The following HMCN1 variants were observed in gnomAD, a reference collection of about 807,000 sequenced individuals.
HMCN1 encodes the protein hemicentin 1, also known as hemicentin-1.
HMCN1 carries 321 observed loss-of-function variants against 625.9 expected under a neutral mutation model. That is an observed-to-expected ratio of 0.51 (90% CI 0.47 to 0.56). The LOEUF (loss-of-function observed/expected upper bound fraction) is 0.56. HMCN1 is among the 20% of genes least tolerant of loss of function. The pLI is 0.00. For synonymous variants in HMCN1, 2,425 were observed against 2,417.6 expected (o/e 1.00, Z -0.09); for missense variants, 6,588 against 6,887.3 (o/e 0.96, Z 1.54).
intron 30 of HMCN1, among the ~76,000 whole-genome samples, chr1:186,010,704 G>A (rs1385723002): frequency 6.6e-6 from 1 of 152,078 alleles, no homozygotes; most frequent in Admixed American, 6.5e-5. Context: ...CTCTTTCTTA[G>A]GATTTCAAAA....
chr1:186,023,942 A>C (rs943718058), intron 36 of HMCN1, among the ~76,000 whole-genome samples: 2 of 152,212 alleles, frequency 1.3e-5, no homozygotes, highest in East Asian at 1.9e-4. Flanking sequence ...AAAAGAGTAA[A>C]TAGTAGGTGA....
intron 80 of HMCN1, among the ~76,000 whole-genome samples, chr1:186,120,985 C>T (rs1046585611): frequency 6.6e-6 from 1 of 152,140 alleles, no homozygotes; most frequent in African/African-American, 2.4e-5. Flanking sequence ...GTGGGGACCA[C>T]TTTAGAAAAT....
chr1:185,985,188 G>C (rs57060687), intron 19 of HMCN1, among the ~76,000 whole-genome samples: 4,671 of 152,136 alleles, frequency 0.031, 249 homozygotes, highest in African/African-American at 0.11. Context: ...TCAGTTTTAC[G>C]TTAAGTATCC....
intron 49 of HMCN1, 40 bp downstream of exon 49, chr1:186,065,469 A>G (rs369097631): frequency 2.1e-6 from 3 of 1,447,604 alleles, no homozygotes; most frequent in Middle Eastern, 2.5e-4. Flanking sequence ...AGAATCTGAC[A>G]TGACTGTAGG....
intron 16 of HMCN1, among the ~76,000 whole-genome samples, chr1:185,978,719 T>C (rs1651402154): frequency 6.6e-6 from 1 of 152,144 alleles, no homozygotes; most frequent in Non-Finnish European, 1.5e-5. Flanking sequence ...CTCATTCTGT[T>C]GCCCAGGCTG....
chr1:185,802,138 G>A (rs1658839115), intron 1 of HMCN1, among the ~76,000 whole-genome samples: 1 of 152,126 alleles, frequency 6.6e-6, no homozygotes, highest in Admixed American at 6.5e-5. Context: ...ATTTAGTGAT[G>A]GCTTGGGTAG....
Position 185,879,783 on chromosome 1 carries a change from C to T in HMCN1, c.621+13920C>T, listed in dbSNP as rs11576503. Reference sequence around the variant, plus strand: ...TTGGTTGGCCTTGGGAATGTGTGGGCGAAATGGAGCAGTGAGGAGGGTTAC... The same window carrying T: ...TTGGTTGGCCTTGGGAATGTGTGGGTGAAATGGAGCAGTGAGGAGGGTTAC... On this transcript the variant is annotated intron_variant, in intron 4 of 106. Transcript: ENST00000271588. Among the ~76,000 whole-genome samples, 248 of 151,978 alleles carry T rather than the reference C, an allele frequency of 1.6e-3. 5 individuals carry two copies. The South Asian group carries it at 0.03, about 18-fold the overall frequency.
rs1282841875 is a variant in HMCN1 at position 186,190,250 on chromosome 1, T to C, written c.*372T>C. On this transcript the variant is annotated 3_prime_UTR_variant, in exon 107 of 107. Coordinates refer to ENST00000271588, the MANE Select transcript of HMCN1 (RefSeq NM_031935.3). ...CAAGAACAACTAATTCAGAATCAAA[T>C]AGAGTTTTTGAGCATTTGACTATTT... 3 of 240,678 alleles carry C rather than the reference T, an allele frequency of 1.2e-5. No homozygotes were observed. Among genetic ancestry groups the C allele is most frequent in the Non-Finnish European group, 2.5e-5 (3 of 122,438 alleles). The allele number at this position is 240,678 out of a possible 1,614,324, so 14.9% of individuals were successfully genotyped here.
intron 91 of HMCN1, among the ~76,000 whole-genome samples, chr1:186,145,006 C>A (rs1160803666): frequency 6.6e-6 from 1 of 152,256 alleles, no homozygotes; most frequent in Non-Finnish European, 1.5e-5. Flanking sequence ...AAGCAGGCAG[C>A]TCTCTGCCTT....
rs71557836 is a variant in HMCN1, at chr1:185,851,805, AC to A, written c.339+5717del. On this transcript the variant is annotated intron_variant, in intron 2 of 106. Coordinates refer to ENST00000271588, the MANE Select transcript of HMCN1 (RefSeq NM_031935.3). ...TCAAACATTCAAAGTGTAAACACAC[AC>A]CCCCCCCAACACACAGACATACACA... 1.0e-3 allele frequency among the ~76,000 whole-genome samples: 158 copies of A among 151,130 alleles called. 1 individual carries two copies. The highest frequency in any genetic ancestry group is 1.3e-3 in the South Asian group (6 of 4,764).
At chr1:186,074,708 C>T in intron 52 of HMCN1, 33 bp from the exon 53 acceptor site, 2 of 1,604,882 alleles carry the variant, frequency 1.2e-6, no homozygotes, top group Non-Finnish European at 8.5e-7. Flanking sequence ...CATTATAGCA[C>T]TTAATGCTAA....
chr1:185,916,800 A>G (rs934365702), intron 6 of HMCN1, among the ~76,000 whole-genome samples: 3 of 152,166 alleles, frequency 2.0e-5, no homozygotes, highest in Non-Finnish European at 2.9e-5. Context: ...TCTGTGTTCC[A>G]TGGGGTCTGG....
Position 186,000,169 on chromosome 1 carries a change from T to C in HMCN1, c.3999T>C (p.Asn1333=). ...TTGCTTCTGTTACACCCTATGACAATGGGGAGTACATCTGTGTGGCAGTCA... is the reference window on the plus strand; with the variant it reads ...TTGCTTCTGTTACACCCTATGACAACGGGGAGTACATCTGTGTGGCAGTCA... ...LVIASVTPYD[N]GEYICVAVNE... The change falls in exon 26 of 107, where the codon AAT becomes AAC. Residue 1333 remains asparagine, a synonymous_variant. Coordinates refer to ENST00000271588, the MANE Select transcript of HMCN1 (RefSeq NM_031935.3). The C allele has an allele frequency of 6.2e-7, 1 of 1,613,094 alleles. No homozygotes were observed. The highest frequency in any genetic ancestry group is 8.5e-7 in the Non-Finnish European group (1 of 1,179,358).
chr1:185,870,328 T>C (rs924785525), intron 4 of HMCN1, among the ~76,000 whole-genome samples: 1 of 152,306 alleles, frequency 6.6e-6, no homozygotes, highest in East Asian at 1.9e-4. Context: ...AAAGTCCAAG[T>C]TGGAAATCTC....
Position 186,130,645 on chromosome 1 carries a change from G to A in HMCN1, c.13178G>A (p.Ser4393Asn), listed in dbSNP as rs1553301900. Residue 4393 changes from serine to asparagine, a missense_variant, in exon 85 of 107, where the codon AGC becomes AAC. Ser to Asn is a conservative substitution (Grantham distance 46, BLOSUM62 1). Transcript: ENST00000271588. ...AGAAAGGGAGTGGATATTGAAATTA[G>A]CCACAGAATCCGGCAACTGGGCAAT... Reference protein sequence around the residue: ...WNRKGVDIEISHRIRQLGNGS... With the variant: ...WNRKGVDIEINHRIRQLGNGS... 6.2e-7 allele frequency: 1 copy of A among 1,613,484 alleles called. No individual in the cohort carries two copies. The highest frequency in any genetic ancestry group is 1.7e-5 in the Admixed American group (1 of 59,956).
chr1:185,831,449 G>T (rs1325657051), intron 1 of HMCN1, among the ~76,000 whole-genome samples: 1 of 152,002 alleles, frequency 6.6e-6, no homozygotes, highest in Non-Finnish European at 1.5e-5. Flanking sequence ...ATCCTTAGCG[G>T]GGAAACACTA....
In HMCN1 at chr1:185,746,449, G is replaced by T. The variant is rs372293956; in HGVS notation, c.268+11402G>T. Among the ~76,000 whole-genome samples the T allele has an allele frequency of 1.6e-4, 24 of 152,274 alleles. No homozygotes were observed. In the East Asian group the frequency reaches 4.4e-3, roughly 28 times the overall value. On this transcript the variant is annotated intron_variant, in intron 1 of 106. Coordinates refer to ENST00000271588, the MANE Select transcript of HMCN1 (RefSeq NM_031935.3). The stretch of plus-strand genomic sequence containing the variant: ...ATCAAGATGTTGGTAGGGTAGTGAA[G>T]GCTGTGAGGACAAATCTGTTTCATG...
chr1:186,053,167 T>A (rs1482988109), intron 43 of HMCN1, 93 bp downstream of exon 43: 2 of 1,259,346 alleles, frequency 1.6e-6, no homozygotes, highest in Non-Finnish European at 1.1e-6. Context: ...TAAACAAATT[T>A]TCCTGGGGTT....
chr1:186,168,510 G>T (rs1040645929), intron 100 of HMCN1, among the ~76,000 whole-genome samples: 5 of 148,426 alleles, frequency 3.4e-5, no homozygotes, highest in African/African-American at 1.3e-4. Flanking sequence ...ACACATTGTA[G>T]ATTTTGAGAG....
Sources: gnomAD v4.1 joint callset for allele counts (sites outside exome capture counted in the v4.1 genomes callset) on GRCh38, gnomAD v4.1.1 for gene constraint, MANE v1.5 for transcripts, NCBI Gene and HGNC (gene_info 2026-07-23, HGNC 2026-07-21) for gene names.